Variants in CDC42BPG observed in about 807,000 individuals in gnomAD.
CDC42BPG encodes serine/threonine-protein kinase MRCK gamma.
CDC42BPG carries 157 observed loss-of-function variants against 192.2 expected under a neutral mutation model. The ratio of observed to expected loss-of-function variants is 0.82; its 90% CI spans 0.72 to 0.93. CDC42BPG has a LOEUF of 0.93. Ranked by LOEUF, CDC42BPG falls within the 40% of genes least tolerant of loss-of-function variation. CDC42BPG has a pLI of 0.00. For missense variants in CDC42BPG, 1,992 were observed against 2,122.1 expected, an observed-to-expected ratio of 0.94 and a Z score of 1.20; for synonymous variants, 981 against 918.5, an observed-to-expected ratio of 1.07 and a Z score of -1.23.
Position 64,833,916 on chromosome 11 carries a change from G to A in CDC42BPG, c.2466+9C>T, listed in dbSNP as rs1942839338. ...TTCTCCCCAACAAGCCCCTTGGCCTGGTCCTTACCTCTGAGCTCCGGAAGG... is the reference window on the plus strand; with the variant it reads ...TTCTCCCCAACAAGCCCCTTGGCCTAGTCCTTACCTCTGAGCTCCGGAAGG... On this transcript the variant is annotated intron_variant, in intron 21 of 36. Coordinates refer to ENST00000342711, the MANE Select transcript of CDC42BPG (RefSeq NM_017525.3). 1.2e-6 allele frequency: 2 copies of A among 1,614,210 alleles called. No homozygotes were observed.
chr11:64,844,504 G>A lies in CDC42BPG; in HGVS notation c.66C>T (p.Leu22=), dbSNP rs1423209986. The change falls in exon 1 of 37, where the codon CTC becomes CTT. Residue 22 remains leucine, a synonymous_variant. Coordinates refer to ENST00000342711, the MANE Select transcript of CDC42BPG (RefSeq NM_017525.3). ...ARGEAGGCPG[L]DGLLDLLLAL... The stretch of plus-strand genomic sequence containing the variant: ...CCAGCAGCAGATCTAGGAGGCCGTC[G>A]AGCCCCGGGCAGCCGCCGGCCTCGC... 1.5e-6 allele frequency: 2 copies of A among 1,357,836 alleles called. No homozygotes were observed. Among genetic ancestry groups the A allele is most frequent in the African/African-American group, 1.5e-5 (1 of 64,818 alleles). 84.1% of individuals were successfully genotyped at this position (1,357,836 alleles called of 1,614,324 possible). A position where few individuals can be genotyped will look rare whatever the true frequency, so the allele number is the denominator to read the frequency against.
In CDC42BPG at chr11:64,838,524, C is replaced by T. The variant is rs1306803686; in HGVS notation, c.1125+130G>A. The T allele has an allele frequency of 3.1e-5, 39 of 1,271,990 alleles. No homozygotes were observed. In the East Asian group the frequency reaches 9.1e-4, roughly 30 times the overall value. 78.8% of individuals were successfully genotyped at this position (1,271,990 alleles called of 1,614,324 possible). A position where few individuals can be genotyped will look rare whatever the true frequency, so the allele number is the denominator to read the frequency against. On this transcript the variant is annotated intron_variant, in intron 8 of 36. Coordinates refer to ENST00000342711, the MANE Select transcript of CDC42BPG (RefSeq NM_017525.3). ...GGCTGGAACGGGTCAGTCTGGGAGT[C>T]CATAAATCATAAGCCCCGGTGTCTG...
At chr11:64,832,339 G>C in intron 27 of CDC42BPG, 89 bp downstream of exon 27, 2 of 1,344,390 alleles carry the variant, frequency 1.5e-6, no homozygotes, top group Non-Finnish European at 2.1e-6. Context: ...TGGCCCAAGA[G>C]GGCAGTATGA....
chr11:64,831,696 G>A lies in CDC42BPG; in HGVS notation c.3113C>T (p.Pro1038Leu), dbSNP rs1193527660. The A allele has an allele frequency of 4.4e-6, 7 of 1,602,920 alleles. No individual in the cohort carries two copies. The highest frequency in any genetic ancestry group is 5.9e-6 in the Non-Finnish European group (7 of 1,177,326). The change falls in exon 28 of 37, where the codon CCG becomes CTG. Residue 1038 changes from proline to leucine, a missense_variant. Transcript: ENST00000342711. Reference protein sequence around the residue: ...FRVTTSQLAVPPTTCTVLLLA... With the variant: ...FRVTTSQLAVLPTTCTVLLLA... ...CAGCAGCACAGTGCACGTGGTGGGC[G>A]GCACTGCCAGCTGGGAGGTTGTCAC...
At chr11:64,830,321 T>G in intron 28 of CDC42BPG, 65 bp from the exon 29 acceptor site, 1 of 1,310,624 alleles carries the variant, frequency 7.6e-7, no homozygotes, top group Admixed American at 1.9e-5. Context: ...GATTGGGCAG[T>G]CCACCTGCCC....
chr11:64,836,575 C>A (rs1224982245), intron 11 of CDC42BPG, 45 bp from the exon 12 acceptor site: 2 of 1,553,870 alleles, frequency 1.3e-6, no homozygotes, highest in Admixed American at 1.7e-5. Context: ...GCGGCCCCAG[C>A]CTCTCAGCCC....
rs1314556213 is a variant in CDC42BPG, at chr11:64,823,117, C to T, written c.*1356G>A. 6.9e-6 allele frequency among the ~76,000 whole-genome samples: 1 copy of T among 144,702 alleles called. No homozygotes were observed. Among genetic ancestry groups the T allele is most frequent in the Non-Finnish European group, 1.5e-5 (1 of 66,322 alleles). The allele number at this position is 144,702 out of a possible 152,430, so 94.9% of individuals were successfully genotyped here. On this transcript the variant is annotated 3_prime_UTR_variant, in exon 37 of 37. Coordinates refer to ENST00000342711, the MANE Select transcript of CDC42BPG (RefSeq NM_017525.3). The stretch of plus-strand genomic sequence containing the variant: ...TTTTTTTTTTTTTGAGACGGAGTCT[C>T]ACTCTGTCACCCAGGCTGGAGTGCA...
rs1336708623 is a variant in CDC42BPG at position 64,829,891 on chromosome 11, C to T, written c.3547G>A (p.Ala1183Thr). The T allele has an allele frequency of 1.5e-5, 24 of 1,609,042 alleles. No homozygotes were observed. The highest frequency in any genetic ancestry group is 2.0e-5 in the Non-Finnish European group (23 of 1,178,382). The change falls in exon 30 of 37, where the codon GCA becomes ACA. Residue 1183 changes from alanine (A) to threonine (T), a missense_variant. Ala to Thr is a moderately conservative substitution (Grantham distance 58, BLOSUM62 0). Transcript: ENST00000342711. ...IPESRGCQVL[A>T]AGSILQARTP... The stretch of plus-strand genomic sequence containing the variant: ...CGGGCCTGCAGGATGCTTCCAGCTG[C>T]CAGCACCTGGCAGCCTCGAGACTCG...
chr11:64,827,365 T>C lies in CDC42BPG; in HGVS notation c.4184A>G (p.Asp1395Gly), dbSNP rs750835756. The change falls in exon 33 of 37, where the codon GAC becomes GGC. Residue 1395 changes from aspartate (D) to glycine (G), a missense_variant. Coordinates refer to ENST00000342711, the MANE Select transcript of CDC42BPG (RefSeq NM_017525.3). ...GCGGAACAGCTGGCGCCGGCTGTTG[T>C]CGGTGAGGTCCGGGATGTCGAACTC... ...KDEFDIPDLT[D>G]NSRRQLFRTK... The C allele has an allele frequency of 6.2e-7, 1 of 1,614,032 alleles. No individual in the cohort carries two copies. Among genetic ancestry groups the C allele is most frequent in the Admixed American group, 1.7e-5 (1 of 60,020 alleles).
rs376711604 is a variant in CDC42BPG, at chr11:64,826,825, C to G, written c.4390-31G>C. The G allele has an allele frequency of 5.4e-5, 80 of 1,473,828 alleles. No homozygotes were observed. Among genetic ancestry groups the G allele is most frequent in the Middle Eastern group, 2.5e-4 (1 of 3,996 alleles). 91.3% of individuals were successfully genotyped at this position (1,473,828 alleles called of 1,614,324 possible). Reference sequence around the variant, plus strand: ...GGGTGACAGTGCGGAGGGGCTGGGACTAGCAGGCACAAGGAGGACAAGAGG... The same window carrying G: ...GGGTGACAGTGCGGAGGGGCTGGGAGTAGCAGGCACAAGGAGGACAAGAGG... On this transcript the variant is annotated intron_variant, in intron 34 of 36. Transcript: ENST00000342711.
In CDC42BPG at chr11:64,829,552, T is replaced by C; in HGVS notation, c.3886A>G (p.Thr1296Ala). 1.2e-6 allele frequency: 2 copies of C among 1,612,790 alleles called. No individual in the cohort carries two copies. Among genetic ancestry groups the C allele is most frequent in the Non-Finnish European group, 8.5e-7 (1 of 1,179,830 alleles). The part of the protein sequence containing the change: ...SLSEFLLLFT[T>A]AGIYVDGAGR... ...GCGCCATCCACGTAGATGCCAGCAGTGGTGAAGAGTAGCAGGAACTCGCTG... is the reference window on the plus strand; with the variant it reads ...GCGCCATCCACGTAGATGCCAGCAGCGGTGAAGAGTAGCAGGAACTCGCTG... Residue 1296 changes from threonine (T) to alanine (A), a missense_variant, in exon 30 of 37, where the codon ACT becomes GCT. By Grantham distance (58) the Thr-to-Ala change is moderately conservative. Around this residue, in one of 2 missense-constraint regions of CDC42BPG, gnomAD observed 1,656 missense variants for 1,844.3 expected, o/e 0.90. Coordinates refer to ENST00000342711, the MANE Select transcript of CDC42BPG (RefSeq NM_017525.3).
chr11:64,838,877 A>T lies in CDC42BPG; in HGVS notation c.902T>A (p.Val301Glu). The change falls in exon 8 of 37, where the codon GTG becomes GAG. Residue 301 changes from valine (V) to glutamate (E), a missense_variant. By Grantham distance (121) the Val-to-Glu change is moderately radical (BLOSUM62 -2). Around this residue, in one of 2 missense-constraint regions of CDC42BPG, gnomAD observed 1,656 missense variants for 1,844.3 expected, o/e 0.90. Coordinates refer to ENST00000342711, the MANE Select transcript of CDC42BPG (RefSeq NM_017525.3). Reference protein sequence around the residue: ...HEDHLQFPPDVPDVPASAQDL... With the variant: ...HEDHLQFPPDEPDVPASAQDL... Reference sequence around the variant, plus strand: ...TTGGGCGCTGGCTGGCACGTCAGGCACGTCCGGGGGGAACTGCAGGTGGTC... The same window carrying T: ...TTGGGCGCTGGCTGGCACGTCAGGCTCGTCCGGGGGGAACTGCAGGTGGTC... 1 of 1,417,532 alleles carries T rather than the reference A, an allele frequency of 7.1e-7. No individual in the cohort carries two copies. Among genetic ancestry groups the T allele is most frequent in the East Asian group, 3.2e-5 (1 of 31,150 alleles). The allele number at this position is 1,417,532 out of a possible 1,614,324, so 87.8% of individuals were successfully genotyped here.
Position 64,835,387 on chromosome 11 carries a change from A to G in CDC42BPG, c.1913T>C (p.Leu638Pro). Residue 638 changes from leucine to proline, a missense_variant, in exon 16 of 37, where the codon CTG becomes CCG. Around this residue, in one of 2 missense-constraint regions of CDC42BPG, gnomAD observed 1,656 missense variants for 1,844.3 expected, o/e 0.90. Coordinates refer to ENST00000342711, the MANE Select transcript of CDC42BPG (RefSeq NM_017525.3). ...PSGKEEALCQ[L>P]QEENRRLSRE... ...GCTCAGCCTCCGGTTTTCCTCCTGC[A>G]GCTGGCACAGAGCCTCCTCCTTACC... The G allele has an allele frequency of 6.2e-7, 1 of 1,613,854 alleles. No individual in the cohort carries two copies. Among genetic ancestry groups the G allele is most frequent in the South Asian group, 1.1e-5 (1 of 91,076 alleles).
chr11:64,824,243 G>T lies in CDC42BPG; in HGVS notation c.*230C>A. 1.6e-6 allele frequency: 1 copy of T among 608,148 alleles called. No individual in the cohort carries two copies. Among genetic ancestry groups the T allele is most frequent in the Non-Finnish European group, 3.0e-6 (1 of 334,398 alleles). The allele number at this position is 608,148 out of a possible 1,614,324, so 37.7% of individuals were successfully genotyped here. A position where few individuals can be genotyped will look rare whatever the true frequency, so the allele number is the denominator to read the frequency against. On this transcript the variant is annotated 3_prime_UTR_variant, in exon 37 of 37. Transcript: ENST00000342711. ...CAAAAGGGGCCATTCTATTCCCAAT[G>T]GCTTAGAAAGGCTGGGGCTGGGAAC...
In CDC42BPG at chr11:64,827,788, G is replaced by A. The variant is rs374348605; in HGVS notation, c.3968-5C>T. 18 of 1,597,736 alleles carry A rather than the reference G, an allele frequency of 1.1e-5. No homozygotes were observed. Among genetic ancestry groups the A allele is most frequent in the Non-Finnish European group, 1.5e-5 (17 of 1,171,588 alleles). ...TCAGGTAGGGGGCCGCATACCCTGC[G>A]GGCACGCCAGGCACCTCTGAGCTGT... On this transcript the variant is annotated splice_region_variant and splice_polypyrimidine_tract_variant and intron_variant, in intron 30 of 36. Transcript: ENST00000342711.
chr11:64,835,609 C>T lies in CDC42BPG; in HGVS notation c.1771G>A (p.Ala591Thr). The T allele has an allele frequency of 6.4e-7, 1 of 1,569,240 alleles. No individual in the cohort carries two copies. Among genetic ancestry groups the T allele is most frequent in the Non-Finnish European group, 8.6e-7 (1 of 1,159,534 alleles). The change falls in exon 15 of 37, where the codon GCC becomes ACC. Residue 591 changes from alanine to threonine, a missense_variant. Transcript: ENST00000342711. The stretch of plus-strand genomic sequence containing the variant: ...GGTCCCATCCCGTTGGTCTCAGAGG[C>T]TGTGTGGATGGTCTTGGGGACATGG... Reference protein sequence around the residue: ...ESSQAKTIHTASETNGMGPPE... With the variant: ...ESSQAKTIHTTSETNGMGPPE...
At position 64,836,985 on chromosome 11, in the gene CDC42BPG, C is replaced by G; in HGVS notation, c.1240G>C (p.Ala414Pro). 1 of 1,613,586 alleles carries G rather than the reference C, an allele frequency of 6.2e-7. No homozygotes were observed. The highest frequency in any genetic ancestry group is 8.5e-7 in the Non-Finnish European group (1 of 1,179,966). ...SPESSSEAWA[A>P]LERKLQCLEQ... ...AGACACTGGAGCTTCCGCTCCAGGGCAGCCCAAGCCTCAGAGCTGCTCTCA... is the reference window on the plus strand; with the variant it reads ...AGACACTGGAGCTTCCGCTCCAGGGGAGCCCAAGCCTCAGAGCTGCTCTCA... Residue 414 changes from alanine to proline, a missense_variant, in exon 10 of 37, where the codon GCC becomes CCC. Ala to Pro is a conservative substitution (Grantham distance 27). Around this residue, in one of 2 missense-constraint regions of CDC42BPG, gnomAD observed 1,656 missense variants for 1,844.3 expected, o/e 0.90. Coordinates refer to ENST00000342711, the MANE Select transcript of CDC42BPG (RefSeq NM_017525.3).
chr11:64,839,321 C>T (rs1175792495), intron 6 of CDC42BPG, 88 bp from the exon 7 acceptor site: 8 of 1,559,648 alleles, frequency 5.1e-6, no homozygotes, highest in African/African-American at 4.1e-5. Context: ...CACCCCTACT[C>T]TGCCAGGCTG....
intron 34 of CDC42BPG, 102 bp downstream of exon 34, chr11:64,826,948 G>A: frequency 1.7e-6 from 2 of 1,163,912 alleles, no homozygotes; most frequent in South Asian, 1.4e-5. Flanking sequence ...CCAGGCCTTA[G>A]GAGTAATTAC....
Sources: gnomAD v4.1 joint callset for allele counts (sites outside exome capture counted in the v4.1 genomes callset) on GRCh38, gnomAD v4.1.1 for gene constraint, gnomAD v4.1.1 regional missense constraint, MANE v1.5 for transcripts, NCBI Gene and HGNC (gene_info 2026-07-23, HGNC 2026-07-21) for gene names.